IL22RA2: variants seen among roughly 807,000 people sequenced by gnomAD.
IL22RA2 encodes the protein interleukin 22 receptor subunit alpha 2.
IL22RA2 carries 39 observed loss-of-function variants against 30.7 expected under a neutral mutation model. The observed-to-expected ratio is 1.27, with a 90% CI of 0.98 to 1.66. The LOEUF (loss-of-function observed/expected upper bound fraction) is 1.66. Among genes scored for constraint, IL22RA2 ranks in the 40% most tolerant of loss-of-function variants. IL22RA2 has a pLI of 0.00. For missense variants in IL22RA2, 315 were observed against 312.7 expected (o/e 1.01, Z -0.05); for synonymous variants, 103 against 105.0 (o/e 0.98, Z 0.11).
rs887952516 is a variant in IL22RA2 at position 137,153,983 on chromosome 6, CT to C, written c.472+957del. 3.6e-3 allele frequency among the ~76,000 whole-genome samples: 543 copies of C among 149,926 alleles called. 2 individuals carry two copies. The highest frequency in any genetic ancestry group is 3.5e-3 in the African/African-American group (142 of 40,942). ...CAATTATGAGGACTGTGGTAAATAT[CT>C]TTTTTTTTTCTTGTTCTATTTATGC... On this transcript the variant is annotated intron_variant, in intron 5 of 6. Coordinates refer to ENST00000296980, the MANE Select transcript of IL22RA2 (RefSeq NM_052962.3).
chr6:137,156,619 T>C, intron 4 of IL22RA2, 140 bp downstream of exon 4: 1 of 1,134,406 alleles, frequency 8.8e-7, no homozygotes, highest in Non-Finnish European at 1.2e-6. Context: ...TATAAATTTG[T>C]CTTGTGCTGT....
intron 5 of IL22RA2, among the ~76,000 whole-genome samples, chr6:137,154,193 C>G (rs757347151): frequency 1.4e-4 from 21 of 152,078 alleles, no homozygotes; most frequent in Non-Finnish European, 2.1e-4. Context: ...TTTGGTCTGC[C>G]TTTTTGGGGA....
chr6:137,162,672 A>AAAGAAC (rs1778545539), intron 1 of IL22RA2, among the ~76,000 whole-genome samples: 1 of 152,200 alleles, frequency 6.6e-6, no homozygotes, highest in Non-Finnish European at 1.5e-5. Context: ...ATTATACATG[A>AAAGAAC]AAGAACAAAA....
chr6:137,172,111 C>T (rs995422606), intron 1 of IL22RA2, among the ~76,000 whole-genome samples: 1 of 152,212 alleles, frequency 6.6e-6, no homozygotes, highest in African/African-American at 2.4e-5. Flanking sequence ...TGGGTTTGCA[C>T]TATTGATGTT....
chr6:137,155,238 A>G, intron 4 of IL22RA2, 119 bp from the exon 5 acceptor site: 1 of 666,834 alleles, frequency 1.5e-6, no homozygotes, highest in East Asian at 3.0e-5. Flanking sequence ...ATGATAGCTT[A>G]TGGCTCCTCT....
chr6:137,151,202 G>T (rs931375554), intron 5 of IL22RA2, among the ~76,000 whole-genome samples: 1 of 152,166 alleles, frequency 6.6e-6, no homozygotes, highest in African/African-American at 2.4e-5. Context: ...AAATAGTGTG[G>T]TATGGGCACA....
intron 2 of IL22RA2, among the ~76,000 whole-genome samples, chr6:137,161,461 C>G (rs980492690): frequency 3.3e-5 from 5 of 152,130 alleles, no homozygotes; most frequent in Non-Finnish European, 7.4e-5. Flanking sequence ...TGTATGAAGT[C>G]TCTGCACCCT....
At chr6:137,159,354 CTT>C (rs2114377238) in intron 2 of IL22RA2, among the ~76,000 whole-genome samples, 2 of 151,884 alleles carry the variant, frequency 1.3e-5, no homozygotes, top group South Asian at 4.2e-4. Context: ...GAGTTTCACT[CTT>C]GTCGCCCTGG....
intron 3 of IL22RA2, among the ~76,000 whole-genome samples, chr6:137,157,663 T>A (rs1778434632): frequency 6.6e-6 from 1 of 152,072 alleles, no homozygotes. Context: ...GAGACAGGAT[T>A]GAGCCTCAAC....
intron 1 of IL22RA2, among the ~76,000 whole-genome samples, chr6:137,163,729 A>G (rs991592711): frequency 2.6e-5 from 4 of 152,196 alleles, no homozygotes; most frequent in African/African-American, 9.7e-5. Flanking sequence ...GATTCAGATG[A>G]AACTCACACC....
intron 1 of IL22RA2, among the ~76,000 whole-genome samples, chr6:137,163,957 A>C (rs1482156245): frequency 4.6e-5 from 7 of 152,120 alleles, no homozygotes; most frequent in Admixed American, 3.9e-4. Context: ...GGCCCAGAGG[A>C]CCAGCTCCAC....
chr6:137,145,659 G>T lies in IL22RA2; in HGVS notation c.757C>A (p.Gln253Lys), dbSNP rs1325892912. ...IYQPMLDRRSQRSEERCVEIP is the reference protein window; with the variant it reads ...IYQPMLDRRSKRSEERCVEIP ...TCCACACATCTCTCTTCACTTCTCT[G>T]ACTTCTTCTGTCTAACATGGGCTGA... Residue 253 changes from glutamine to lysine, a missense_variant, in exon 7 of 7, where the codon CAG (glutamine) becomes AAG (lysine). By Grantham distance (53) the Gln-to-Lys change is moderately conservative (BLOSUM62 1). Coordinates refer to ENST00000296980, the MANE Select transcript of IL22RA2 (RefSeq NM_052962.3). 6.2e-7 allele frequency: 1 copy of T among 1,611,570 alleles called. No homozygotes were observed. Among genetic ancestry groups the T allele is most frequent in the East Asian group, 2.2e-5 (1 of 44,802 alleles).
intron 4 of IL22RA2, 27 bp downstream of exon 4, chr6:137,156,732 G>C: frequency 6.2e-7 from 1 of 1,606,586 alleles, no homozygotes; most frequent in Non-Finnish European, 8.5e-7. Flanking sequence ...CCTGAGGCTA[G>C]GTAATTGATA....
At chr6:137,151,086 G>A (rs1052929145) in intron 5 of IL22RA2, among the ~76,000 whole-genome samples, 4 of 152,140 alleles carry the variant, frequency 2.6e-5, no homozygotes, top group Non-Finnish European at 5.9e-5. Flanking sequence ...GGTGGTTAGA[G>A]AATTGCAAGG....
intron 3 of IL22RA2, 100 bp from the exon 4 acceptor site, chr6:137,156,954 C>A: frequency 1.3e-6 from 2 of 1,487,762 alleles, no homozygotes; most frequent in African/African-American, 1.4e-5. Context: ...ATTTCCATGA[C>A]AAATTCAGTC....
rs1350205116 is a variant in IL22RA2, at chr6:137,145,000, A to C, written c.*624T>G. On this transcript the variant is annotated 3_prime_UTR_variant, in exon 7 of 7. Coordinates refer to ENST00000296980, the MANE Select transcript of IL22RA2 (RefSeq NM_052962.3). ...TAATTCAGATATCAATCCAGAAATCATAAGATTTTTTTCCCCAAAACCTGT... is the reference window on the plus strand; with the variant it reads ...TAATTCAGATATCAATCCAGAAATCCTAAGATTTTTTTCCCCAAAACCTGT... 6.6e-6 allele frequency: 1 copy of C among 151,920 alleles called. No individual in the cohort carries two copies. The highest frequency in any genetic ancestry group is 1.5e-5 in the Non-Finnish European group (1 of 67,982). The allele number at this position is 151,920 out of a possible 1,614,324, so 9.4% of individuals were successfully genotyped here.
chr6:137,145,583 G>A lies in IL22RA2; in HGVS notation c.*41C>T, dbSNP rs1274631291. On this transcript the variant is annotated 3_prime_UTR_variant, in exon 7 of 7. Coordinates refer to ENST00000296980, the MANE Select transcript of IL22RA2 (RefSeq NM_052962.3). ...ACACGAGTCATCCTGTTCTCAGGGA[G>A]CTTTAGAATTTCCACATTGCTGAAT... The A allele has an allele frequency of 1.3e-6, 2 of 1,568,788 alleles. No homozygotes were observed.
intron 1 of IL22RA2, among the ~76,000 whole-genome samples, chr6:137,164,207 C>CT (rs1778582488): frequency 6.6e-6 from 1 of 152,170 alleles, no homozygotes. Context: ...AAACTGAGAA[C>CT]TTTTTTGAGA....
At position 137,158,357 on chromosome 6, in the gene IL22RA2, G is replaced by A; in HGVS notation, c.187C>T (p.Gln63Ter). 1.9e-6 allele frequency: 3 copies of A among 1,614,088 alleles called. No homozygotes were observed. The highest frequency in any genetic ancestry group is 2.5e-6 in the Non-Finnish European group (3 of 1,179,974). Residue 63 changes from glutamine (Q) to a stop codon, truncating the protein, a stop_gained, in exon 3 of 7, where the codon CAG becomes TAG. Coordinates refer to ENST00000296980, the MANE Select transcript of IL22RA2 (RefSeq NM_052962.3). LOFTEE classifies it high-confidence loss of function. The part of the protein sequence containing the change: ...LTGNSSVYFV[Q>*]YKIMFSCSMK... ...GCTCAATTTACTTACATTTTGTACT[G>A]CACAAAATAGACACTGCTGTTGCCA...
Sources: allele counts gnomAD v4.1 joint callset (sites outside exome capture counted in the v4.1 genomes callset), GRCh38; gene constraint gnomAD v4.1.1; transcripts MANE v1.5; gene names NCBI Gene and HGNC (gene_info 2026-07-23, HGNC 2026-07-21).